PAQR5: variants seen among roughly 807,000 people sequenced by gnomAD.
PAQR5 encodes the protein progestin and adipoQ receptor family member 5, also known as membrane progestin receptor gamma.
In PAQR5, 20 loss-of-function variants were observed where a neutral mutation model predicts 34.5. The observed-to-expected ratio is 0.58, with a 90% CI of 0.41 to 0.84. The LOEUF (loss-of-function observed/expected upper bound fraction) is 0.84. Among genes scored for constraint, PAQR5 ranks in the 40% least tolerant of loss-of-function variants. The probability of loss-of-function intolerance (pLI) is 0.00; values close to 1 mark genes in which losing one functional copy is unlikely to be tolerated. For synonymous variants in PAQR5, 131 were observed against 155.6 expected, an observed-to-expected ratio of 0.84 and a Z score of 1.18; for missense variants, 378 against 412.7, an observed-to-expected ratio of 0.92 and a Z score of 0.73.
intron 1 of PAQR5, among the ~76,000 whole-genome samples, chr15:69,325,965 C>T (rs182721168): frequency 1.3e-5 from 2 of 152,280 alleles, no homozygotes; most frequent in Admixed American, 1.3e-4. Context: ...CAGGTATTCC[C>T]TGGGGCTTTG....
At chr15:69,365,394 C>A (rs1187762058) in intron 3 of PAQR5, among the ~76,000 whole-genome samples, 1 of 152,210 alleles carries the variant, frequency 6.6e-6, no homozygotes, top group Non-Finnish European at 1.5e-5. Context: ...AGGCGTGAGC[C>A]ACCGTGCCCA....
intron 2 of PAQR5, among the ~76,000 whole-genome samples, chr15:69,359,087 C>T (rs1388249522): frequency 6.6e-6 from 1 of 152,172 alleles, no homozygotes; most frequent in Non-Finnish European, 1.5e-5. Context: ...GCCCATTCCT[C>T]ATAGATGTCT....
intron 7 of PAQR5, 160 bp downstream of exon 7, chr15:69,397,724 A>G (rs2056491416): frequency 3.1e-6 from 2 of 637,960 alleles, no homozygotes; most frequent in East Asian, 5.3e-5. Flanking sequence ...ACCTGTGGGT[A>G]TTTCTCGTCA....
rs1172490013 is a variant in PAQR5, at chr15:69,407,639, A to G, written c.*3817A>G. ...AAATAAACAGAATTTATTTATTATC[A>G]TAAAGTCATCCTGTTTGCCACTTAA... On this transcript the variant is annotated 3_prime_UTR_variant, in exon 9 of 9. Coordinates refer to ENST00000395407, the MANE Select transcript of PAQR5 (RefSeq NM_017705.4). 6.6e-6 allele frequency: 1 copy of G among 152,226 alleles called. No individual in the cohort carries two copies. Among genetic ancestry groups the G allele is most frequent in the East Asian group, 1.9e-4 (1 of 5,206 alleles). The allele number at this position is 152,226 out of a possible 1,614,324, so 9.4% of individuals were successfully genotyped here.
chr15:69,406,814 G>A lies in PAQR5; in HGVS notation c.*2992G>A, dbSNP rs1399520946. The stretch of plus-strand genomic sequence containing the variant: ...GAACCCAGGAGTTGGATGCTGCAGT[G>A]AGCTATGATTGCGCCATTGCGCTCC... On this transcript the variant is annotated 3_prime_UTR_variant, in exon 9 of 9. Transcript: ENST00000395407. 6.6e-6 allele frequency: 1 copy of A among 151,856 alleles called. No individual in the cohort carries two copies. Among genetic ancestry groups the A allele is most frequent in the Non-Finnish European group, 1.5e-5 (1 of 68,104 alleles). 9.4% of individuals were successfully genotyped at this position (151,856 alleles called of 1,614,324 possible). A position where few individuals can be genotyped will look rare whatever the true frequency, so the allele number is the denominator to read the frequency against.
At chr15:69,375,360 T>C (rs903624742) in intron 3 of PAQR5, among the ~76,000 whole-genome samples, 7 of 152,172 alleles carry the variant, frequency 4.6e-5, no homozygotes, top group Non-Finnish European at 1.0e-4. Context: ...CCCACCCTAA[T>C]GGCCTCTTGA....
rs1306262365 is a variant in PAQR5 at position 69,356,991 on chromosome 15, CT to C, written c.-115-2973del. ...CAGATCCCTCGTGGCTTGGTGCTGT[CT>C]TCGAGATAGTGACTTCTCTCAAGAT... On this transcript the variant is annotated intron_variant, in intron 2 of 8. Coordinates refer to ENST00000395407, the MANE Select transcript of PAQR5 (RefSeq NM_017705.4). Among the ~76,000 whole-genome samples, 4 of 151,268 alleles carry C rather than the reference CT, an allele frequency of 2.6e-5. No homozygotes were observed. The East Asian group carries it at 7.7e-4, about 29-fold the overall frequency.
At chr15:69,354,193 T>C (rs1235480987) in intron 2 of PAQR5, among the ~76,000 whole-genome samples, 1 of 152,224 alleles carries the variant, frequency 6.6e-6, no homozygotes, top group Non-Finnish European at 1.5e-5. Context: ...ACTAAGGTGC[T>C]TACTGAAGGC....
At chr15:69,383,854 T>C (rs113885434) in intron 4 of PAQR5, among the ~76,000 whole-genome samples, 2 of 98 alleles carry the variant, frequency 0.02, no homozygotes, top group Non-Finnish European at 0.059. Context: ...GGCCTTTGTG[T>C]TCATGGTGGA....
intron 6 of PAQR5, among the ~76,000 whole-genome samples, chr15:69,395,513 T>C (rs900929385): frequency 6.6e-5 from 10 of 152,196 alleles, no homozygotes; most frequent in Non-Finnish European, 2.9e-5. Flanking sequence ...AGCTGCTGTT[T>C]AGTCTGTGCG....
At chr15:69,320,826 ATGT>A (rs1343246464) in intron 1 of PAQR5, among the ~76,000 whole-genome samples, 1 of 152,226 alleles carries the variant, frequency 6.6e-6, no homozygotes, top group East Asian at 1.9e-4. Flanking sequence ...AAATCAAAGG[ATGT>A]TGGCAATATC....
At position 69,364,435 on chromosome 15, in the gene PAQR5, A is replaced by AAT. The variant is rs775777356; in HGVS notation, c.51+4317_51+4318dup. On this transcript the variant is annotated intron_variant, in intron 3 of 8. Coordinates refer to ENST00000395407, the MANE Select transcript of PAQR5 (RefSeq NM_017705.4). ...TCCAAAAACAAAACAAAACAAAACA[A>AAT]ATATATATATATATTATATACATGT... 5.1e-3 allele frequency among the ~76,000 whole-genome samples: 672 copies of AAT among 133,062 alleles called. 2 individuals carry two copies. Among genetic ancestry groups the AAT allele is most frequent in the Middle Eastern group, 7.5e-3 (2 of 266 alleles). The allele number at this position is 133,062 out of a possible 152,430, so 87.3% of individuals were successfully genotyped here.
intron 1 of PAQR5, among the ~76,000 whole-genome samples, chr15:69,328,468 C>T (rs185909796): frequency 3.9e-5 from 6 of 152,316 alleles, no homozygotes; most frequent in African/African-American, 1.4e-4. Flanking sequence ...AGGAGGAGGG[C>T]AGCAGGAGAG....
chr15:69,390,053 T>C (rs1349068068), intron 6 of PAQR5, among the ~76,000 whole-genome samples: 1 of 152,230 alleles, frequency 6.6e-6, no homozygotes, highest in Non-Finnish European at 1.5e-5. Flanking sequence ...TCTCACTCTG[T>C]CACCCAGGCT....
chr15:69,397,363 T>C (rs767089598), intron 6 of PAQR5, 105 bp from the exon 7 acceptor site: 2 of 800,070 alleles, frequency 2.5e-6, no homozygotes, highest in Non-Finnish European at 4.5e-6. Context: ...GAAAAATGCT[T>C]GTCCTCTGTT....
At chr15:69,305,976 G>A (rs2053707499) in intron 1 of PAQR5, among the ~76,000 whole-genome samples, 1 of 152,124 alleles carries the variant, frequency 6.6e-6, no homozygotes, top group Non-Finnish European at 1.5e-5. Context: ...CAGACCTATT[G>A]CTCTGGGGGA....
intron 6 of PAQR5, among the ~76,000 whole-genome samples, chr15:69,394,467 C>G (rs762570420): frequency 1.2e-4 from 19 of 152,226 alleles, no homozygotes; most frequent in South Asian, 4.1e-4. Context: ...CACACGTGCA[C>G]TCGTGCGTGC....
chr15:69,317,449 G>A (rs571933540), intron 1 of PAQR5, among the ~76,000 whole-genome samples: 8 of 152,126 alleles, frequency 5.3e-5, no homozygotes, highest in African/African-American at 1.4e-4. Context: ...GGCCCATGCC[G>A]GTCCACCCCC....
At chr15:69,394,251 G>A (rs571444770) in intron 6 of PAQR5, among the ~76,000 whole-genome samples, 3 of 152,272 alleles carry the variant, frequency 2.0e-5, no homozygotes, top group African/African-American at 7.2e-5. Flanking sequence ...GTTCAGAGGG[G>A]TGGAGCTGAC....
Sources: allele counts gnomAD v4.1 joint callset (sites outside exome capture counted in the v4.1 genomes callset), GRCh38; gene constraint gnomAD v4.1.1; transcripts MANE v1.5; gene names NCBI Gene and HGNC (gene_info 2026-07-23, HGNC 2026-07-21).